The following SMAD6 variants were observed in gnomAD, a reference collection of about 807,000 sequenced individuals.
SMAD6 encodes SMAD family member 6, also known as MAD homolog 6.
A neutral mutation model predicts 39.4 loss-of-function variants in SMAD6; 103 were observed. The ratio of observed to expected loss-of-function variants is 2.62; its 90% CI spans 2.23 to 3.08. SMAD6 has a LOEUF of 3.08. Among genes scored for constraint, SMAD6 ranks in the 30% most tolerant of loss-of-function variants. The pLI is 0.00. For missense variants in SMAD6, 1,104 were observed against 742.9 expected (o/e 1.49, Z -5.65); for synonymous variants, 445 against 353.3 (o/e 1.26, Z -2.91).
intron 2 of SMAD6, among the ~76,000 whole-genome samples, 185 bp downstream of exon 2, chr15:66,711,909 C>CCT (rs776775921): frequency 1.3e-4 from 20 of 152,064 alleles, no homozygotes; most frequent in Admixed American, 7.2e-4. Context: ...CCAAAGCAGA[C>CCT]CCAGCTTCTG....
chr15:66,781,254 A>G lies in SMAD6; in HGVS notation c.1210A>G (p.Asn404Asp). ...SKEPDGVWAY[N>D]RGEHPIFVNS... ...GGAGCCCGACGGCGTGTGGGCCTACAACCGCGGCGAGCACCCCATCTTCGT... is the reference window on the plus strand; with the variant it reads ...GGAGCCCGACGGCGTGTGGGCCTACGACCGCGGCGAGCACCCCATCTTCGT... Residue 404 changes from asparagine (N) to aspartate (D), a missense_variant, in exon 4 of 4, where the codon AAC becomes GAC. Coordinates refer to ENST00000288840, the MANE Select transcript of SMAD6 (RefSeq NM_005585.5). 3 of 1,608,162 alleles carry G rather than the reference A, an allele frequency of 1.9e-6. No individual in the cohort carries two copies. The highest frequency in any genetic ancestry group is 2.5e-6 in the Non-Finnish European group (3 of 1,179,248).
chr15:66,719,913 G>A (rs1463207399), intron 3 of SMAD6, among the ~76,000 whole-genome samples: 1 of 152,180 alleles, frequency 6.6e-6, no homozygotes, highest in East Asian at 1.9e-4. Context: ...TCACTGGGGA[G>A]GGGGGTGGTG....
chr15:66,724,492 TTTATTAGCCATA>T (rs1292652856), intron 3 of SMAD6, among the ~76,000 whole-genome samples: 1 of 152,134 alleles, frequency 6.6e-6, no homozygotes, highest in Non-Finnish European at 1.5e-5. Flanking sequence ...GGTAGCCACT[TTTATTAGCCATA>T]TTAAAGGAAG....
chr15:66,709,159 C>G (rs968541603), intron 1 of SMAD6, among the ~76,000 whole-genome samples: 1 of 152,214 alleles, frequency 6.6e-6, no homozygotes, highest in Non-Finnish European at 1.5e-5. Flanking sequence ...AGCCTTCATA[C>G]TTTTTTAGTT....
chr15:66,733,300 T>G lies in SMAD6; in HGVS notation c.952+16802T>G, dbSNP rs79806120. On this transcript the variant is annotated intron_variant, in intron 3 of 3. Coordinates refer to ENST00000288840, the MANE Select transcript of SMAD6 (RefSeq NM_005585.5). Reference sequence around the variant, plus strand: ...TAGGCATTTGCATATGTATATAAATTTTAGAATTAGCTGTTGATTTCTACA... The same window carrying G: ...TAGGCATTTGCATATGTATATAAATGTTAGAATTAGCTGTTGATTTCTACA... Among the ~76,000 whole-genome samples the G allele has an allele frequency of 6.9e-3, 1,057 of 152,328 alleles. 16 individuals carry two copies. Among genetic ancestry groups the G allele is most frequent in the African/African-American group, 0.024 (1,011 of 41,560 alleles).
At chr15:66,735,864 G>T (rs533960680) in intron 3 of SMAD6, among the ~76,000 whole-genome samples, 1 of 152,178 alleles carries the variant, frequency 6.6e-6, no homozygotes, top group African/African-American at 2.4e-5. Flanking sequence ...CAATTCTCCC[G>T]ATAAAGGGAC....
intron 3 of SMAD6, among the ~76,000 whole-genome samples, chr15:66,777,038 A>G (rs532138739): frequency 4.7e-4 from 72 of 152,330 alleles, no homozygotes; most frequent in African/African-American, 1.7e-3. Flanking sequence ...CCATTGCTCA[A>G]ACAAAAACAA....
At chr15:66,706,217 C>G (rs1487027542) in intron 1 of SMAD6, 1 of 152,268 alleles carries the variant, frequency 6.6e-6, no homozygotes, top group Non-Finnish European at 1.5e-5. Flanking sequence ...GATGAGTTAC[C>G]TCCCTTCTCA....
intron 1 of SMAD6, chr15:66,708,155 T>G (rs1325764252): frequency 1.3e-5 from 2 of 152,408 alleles, no homozygotes; most frequent in Non-Finnish European, 2.9e-5. Flanking sequence ...CCCTCTCTTT[T>G]CTTTCTCTCC....
At chr15:66,773,712 A>T (rs2140672284) in intron 3 of SMAD6, among the ~76,000 whole-genome samples, 1 of 152,292 alleles carries the variant, frequency 6.6e-6, no homozygotes, top group South Asian at 2.1e-4. Context: ...GGAGGGCAGG[A>T]GGCCTCAGTG....
intron 3 of SMAD6, among the ~76,000 whole-genome samples, chr15:66,777,127 T>C (rs2140676627): frequency 6.6e-6 from 1 of 152,310 alleles, no homozygotes; most frequent in East Asian, 1.9e-4. Flanking sequence ...GCCTGAAGTG[T>C]TGGGTCTCAC....
Position 66,703,302 on chromosome 15 carries a change from G to T in SMAD6, c.44G>T (p.Arg15Leu). 1 of 1,492,786 alleles carries T rather than the reference G, an allele frequency of 6.7e-7. No homozygotes were observed. The highest frequency in any genetic ancestry group is 8.9e-7 in the Non-Finnish European group (1 of 1,120,748). The allele number at this position is 1,492,786 out of a possible 1,614,324, so 92.5% of individuals were successfully genotyped here. ...TCGGGGCTGGTGCGGCGACTTTGGC[G>T]AAGTCGTGTGGTCCCCGACCGGGAG... Reference protein sequence around the residue: ...KRSGLVRRLWRSRVVPDREEG... With the variant: ...KRSGLVRRLWLSRVVPDREEG... Residue 15 changes from arginine to leucine, a missense_variant, in exon 1 of 4, where the codon CGA becomes CTA. Coordinates refer to ENST00000288840, the MANE Select transcript of SMAD6 (RefSeq NM_005585.5).
intron 3 of SMAD6, among the ~76,000 whole-genome samples, chr15:66,777,623 C>G (rs182437407): frequency 6.6e-6 from 1 of 152,290 alleles, no homozygotes; most frequent in East Asian, 1.9e-4. Context: ...CCTCCCCTTA[C>G]CAGTCAGAGA....
In SMAD6 at chr15:66,703,990, G is replaced by A. The variant is rs1180155842; in HGVS notation, c.732G>A (p.Leu244=). The A allele has an allele frequency of 1.5e-5, 23 of 1,484,422 alleles. No homozygotes were observed. Among genetic ancestry groups the A allele is most frequent in the Middle Eastern group, 2.3e-4 (1 of 4,354 alleles). The allele number at this position is 1,484,422 out of a possible 1,614,324, so 92.0% of individuals were successfully genotyped here. The change falls in exon 1 of 4, where the codon CTG becomes CTA. Residue 244 remains leucine, a synonymous_variant. Coordinates refer to ENST00000288840, the MANE Select transcript of SMAD6 (RefSeq NM_005585.5). ...DLQHAVELKP[L]CGCHSFAAAA... ...AGCACGCCGTGGAGCTGAAGCCCCT[G>A]TGCGGCTGCCACAGCTTCGCCGCCG...
intron 3 of SMAD6, among the ~76,000 whole-genome samples, chr15:66,723,233 A>T (rs1893465413): frequency 1.3e-5 from 2 of 152,172 alleles, no homozygotes; most frequent in Admixed American, 1.3e-4. Flanking sequence ...TGGGGGCTGC[A>T]GTGGGGATAT....
At chr15:66,724,902 G>A (rs570231425) in intron 3 of SMAD6, among the ~76,000 whole-genome samples, 4 of 152,214 alleles carry the variant, frequency 2.6e-5, no homozygotes, top group Admixed American at 6.5e-5. Flanking sequence ...ATACATTGGC[G>A]GCCTGCATCA....
In SMAD6 at chr15:66,703,200, A is replaced by G; in HGVS notation, c.-59A>G. 1 of 1,243,170 alleles carries G rather than the reference A, an allele frequency of 8.0e-7. No homozygotes were observed. The highest frequency in any genetic ancestry group is 1.0e-6 in the Non-Finnish European group (1 of 957,496). 77.0% of individuals were successfully genotyped at this position (1,243,170 alleles called of 1,614,324 possible). ...GCGCAGCCGGCGCCTCGCTGAGGGA[A>G]CGGACCCCCGGTAACCGGAGACCGC... On this transcript the variant is annotated 5_prime_UTR_variant, in exon 1 of 4. Coordinates refer to ENST00000288840, the MANE Select transcript of SMAD6 (RefSeq NM_005585.5).
chr15:66,703,620 G>A lies in SMAD6; in HGVS notation c.362G>A (p.Cys121Tyr), dbSNP rs80232004. ...CCGGGCTGGCTGCCCGAGAGTGACT[G>A]CGAGACGGTGACCTGCTGTCTCTTT... ...GGPGWLPESD[C>Y]ETVTCCLFSE... The change falls in exon 1 of 4, where the codon TGC becomes TAC. Residue 121 changes from cysteine (C) to tyrosine (Y), a missense_variant. Transcript: ENST00000288840. 4.9e-4 allele frequency: 600 copies of A among 1,231,328 alleles called. 2 individuals carry two copies. In the East Asian group the frequency reaches 0.013, roughly 27 times the overall value. 76.3% of individuals were successfully genotyped at this position (1,231,328 alleles called of 1,614,324 possible).
At chr15:66,745,462 C>T (rs1369138441) in intron 3 of SMAD6, among the ~76,000 whole-genome samples, 2 of 152,126 alleles carry the variant, frequency 1.3e-5, no homozygotes, top group Admixed American at 6.5e-5. Flanking sequence ...TCTTCTCGCT[C>T]CTGTTCTCTT....
Sources: gnomAD v4.1 joint callset for allele counts (sites outside exome capture counted in the v4.1 genomes callset) on GRCh38, gnomAD v4.1.1 for gene constraint, MANE v1.5 for transcripts, NCBI Gene and HGNC (gene_info 2026-07-23, HGNC 2026-07-21) for gene names.